The following CFDP1 variants were observed in gnomAD, a reference collection of about 807,000 sequenced individuals.
CFDP1 encodes chromatin remodeling protein CFDP1.
In CFDP1, 31 loss-of-function variants were observed where a neutral mutation model predicts 40.1. The ratio of observed to expected loss-of-function variants is 0.77; its 90% CI spans 0.58 to 1.04. The LOEUF (loss-of-function observed/expected upper bound fraction) is 1.04, where lower values mean the gene tolerates loss of function less well. Ranked by LOEUF, CFDP1 falls within the 50% of genes least tolerant of loss-of-function variation. The pLI is 0.00. For synonymous variants in CFDP1, 167 were observed against 120.0 expected, an observed-to-expected ratio of 1.39 and a Z score of -2.56; for missense variants, 423 against 343.4, an observed-to-expected ratio of 1.23 and a Z score of -1.83.
At chr16:75,332,197 G>C (rs1457151447) in intron 5 of CFDP1, among the ~76,000 whole-genome samples, 3 of 152,282 alleles carry the variant, frequency 2.0e-5, no homozygotes, top group African/African-American at 7.2e-5. Flanking sequence ...AGGTGCGGTG[G>C]CTCACGCCTG....
At chr16:75,335,681 C>T (rs896107153) in intron 5 of CFDP1, among the ~76,000 whole-genome samples, 3 of 151,844 alleles carry the variant, frequency 2.0e-5, no homozygotes, top group Admixed American at 6.6e-5. Flanking sequence ...CTCAGCCTCC[C>T]GAGTAGCTGG....
At chr16:75,361,422 T>A (rs1176390333) in intron 5 of CFDP1, among the ~76,000 whole-genome samples, 1 of 151,978 alleles carries the variant, frequency 6.6e-6, no homozygotes, top group Non-Finnish European at 1.5e-5. Flanking sequence ...TTCAAGACCA[T>A]CCTAGACAAC....
At chr16:75,419,073 T>C (rs1462701906) in intron 1 of CFDP1, 1 of 421,564 alleles carries the variant, frequency 2.4e-6, no homozygotes, top group South Asian at 1.7e-5. Context: ...AGCCCAGGAA[T>C]TGAAGGCTAC....
At chr16:75,356,232 G>A (rs2078643297) in intron 5 of CFDP1, among the ~76,000 whole-genome samples, 1 of 152,190 alleles carries the variant, frequency 6.6e-6, no homozygotes, top group African/African-American at 2.4e-5. Context: ...GACCATCACA[G>A]CTTGTCAGGA....
chr16:75,376,942 G>A (rs2078804122), intron 5 of CFDP1, among the ~76,000 whole-genome samples: 1 of 152,186 alleles, frequency 6.6e-6, no homozygotes, highest in African/African-American at 2.4e-5. Flanking sequence ...ATATAAATAT[G>A]ACTGCAGAAC....
intron 4 of CFDP1, among the ~76,000 whole-genome samples, chr16:75,407,373 T>C (rs545354634): frequency 6.6e-6 from 1 of 152,174 alleles, no homozygotes; most frequent in African/African-American, 2.4e-5. Flanking sequence ...TTGTATTTTC[T>C]ATTAAAAAAA....
At chr16:75,362,891 G>C (rs903047729) in intron 5 of CFDP1, 2 of 152,186 alleles carry the variant, frequency 1.3e-5, no homozygotes, top group African/African-American at 4.8e-5. Context: ...GGCTGCAGCA[G>C]AAGTTCCAGC....
At chr16:75,298,105 C>T (rs946678843) in intron 6 of CFDP1, among the ~76,000 whole-genome samples, 3 of 152,172 alleles carry the variant, frequency 2.0e-5, no homozygotes, top group African/African-American at 7.2e-5. Flanking sequence ...ATAAAATTAC[C>T]TCCAGGCTTT....
chr16:75,314,878 CA>C (rs1302545953), intron 5 of CFDP1, among the ~76,000 whole-genome samples: 1 of 152,026 alleles, frequency 6.6e-6, no homozygotes, highest in African/African-American at 2.4e-5. Context: ...CAGCCTCCCA[CA>C]TAGCTGGGAT....
At chr16:75,425,390 CA>C (rs34282121) in intron 1 of CFDP1, among the ~76,000 whole-genome samples, 25 of 99,022 alleles carry the variant, frequency 2.5e-4, no homozygotes, top group African/African-American at 4.6e-4. Flanking sequence ...CCATCCCCCT[CA>C]AAAAAAAAAA....
At chr16:75,332,684 A>G (rs1327016785) in intron 5 of CFDP1, among the ~76,000 whole-genome samples, 2 of 151,358 alleles carry the variant, frequency 1.3e-5, no homozygotes, top group African/African-American at 4.8e-5. Context: ...AAGGAGAAAA[A>G]AAGAGTTGTC....
At chr16:75,425,928 C>T (rs1434292748) in intron 1 of CFDP1, among the ~76,000 whole-genome samples, 8 of 146,950 alleles carry the variant, frequency 5.4e-5, no homozygotes, top group Non-Finnish European at 1.0e-4. Flanking sequence ...CCCAACTACT[C>T]GGGAAGCTGA....
chr16:75,401,295 G>A (rs912693883), intron 4 of CFDP1, among the ~76,000 whole-genome samples: 4 of 152,028 alleles, frequency 2.6e-5, no homozygotes, highest in Admixed American at 1.3e-4. Flanking sequence ...AGGCTTGGTG[G>A]CGAGCGCCTG....
intron 6 of CFDP1, among the ~76,000 whole-genome samples, chr16:75,303,796 G>A (rs566892895): frequency 1.3e-5 from 2 of 152,318 alleles, no homozygotes; most frequent in African/African-American, 4.8e-5. Context: ...ACCACATAGT[G>A]AGGATGGTAT....
chr16:75,332,507 A>T (rs545401727), intron 5 of CFDP1, among the ~76,000 whole-genome samples: 1 of 150,478 alleles, frequency 6.6e-6, no homozygotes, highest in African/African-American at 2.5e-5. Flanking sequence ...TAAAATAAAA[A>T]ATAAAATACA....
rs373607857 is a variant in CFDP1 at position 75,378,211 on chromosome 16, C to T, written c.650+16879G>A. ...AAACAACACTTCTACAACTAGAGGACAAGTCAACCTGAAATAAAGGAAATA... is the reference window on the plus strand; with the variant it reads ...AAACAACACTTCTACAACTAGAGGATAAGTCAACCTGAAATAAAGGAAATA... On this transcript the variant is annotated intron_variant, in intron 5 of 6. Transcript: ENST00000283882. Among the ~76,000 whole-genome samples the T allele has an allele frequency of 1.6e-4, 25 of 152,120 alleles. 1 individual carries two copies. Among genetic ancestry groups the T allele is most frequent in the Admixed American group, 1.0e-3 (16 of 15,278 alleles).
At chr16:75,304,554 A>G (rs1024870104) in intron 6 of CFDP1, among the ~76,000 whole-genome samples, 10 of 152,228 alleles carry the variant, frequency 6.6e-5, no homozygotes, top group Admixed American at 3.3e-4. Flanking sequence ...GCTATAGCCA[A>G]GGGTAAAGCC....
At chr16:75,427,381 G>C (rs561762474) in intron 1 of CFDP1, among the ~76,000 whole-genome samples, 6 of 151,984 alleles carry the variant, frequency 3.9e-5, no homozygotes, top group African/African-American at 1.4e-4. Flanking sequence ...CTCCCAAGTA[G>C]CTGGGACTAC....
In CFDP1 at chr16:75,412,568, T is replaced by C; in HGVS notation, c.369A>G (p.Pro123=). Residue 123 remains proline (P), a synonymous_variant, in exon 3 of 7, where the codon CCA becomes CCG. Transcript: ENST00000283882. ...GTGTACTTGGGGGCACTTTTGATTT[T>C]GGTCCCACATCATTGAGGAAGCTGG... ...LWASFLNDVG[P]KSKVPPSTQV... The C allele has an allele frequency of 2.5e-6, 4 of 1,614,210 alleles. No homozygotes were observed. Among genetic ancestry groups the C allele is most frequent in the East Asian group, 2.2e-5 (1 of 44,884 alleles).
Sources: allele counts gnomAD v4.1 joint callset (sites outside exome capture counted in the v4.1 genomes callset), GRCh38; gene constraint gnomAD v4.1.1; transcripts MANE v1.5; gene names NCBI Gene and HGNC (gene_info 2026-07-23, HGNC 2026-07-21).